Variants in CNOT6 observed in about 807,000 individuals in gnomAD.
The protein encoded by CNOT6 is carbon catabolite repression 4 protein.
In CNOT6, 12 loss-of-function variants were observed where a neutral mutation model predicts 61.2. The ratio of observed to expected loss-of-function variants is 0.20; its 90% CI spans 0.13 to 0.32. The LOEUF (loss-of-function observed/expected upper bound fraction) is 0.32. CNOT6 is among the 10% of genes least tolerant of loss of function. CNOT6 has a pLI of 1.00. For missense variants in CNOT6, 405 were observed against 663.9 expected, an observed-to-expected ratio of 0.61 and a Z score of 4.28; for synonymous variants, 225 against 240.6, an observed-to-expected ratio of 0.94 and a Z score of 0.60.
chr5:180,520,627 C>T (rs899284347), intron 1 of CNOT6, among the ~76,000 whole-genome samples: 13 of 151,772 alleles, frequency 8.6e-5, no homozygotes, highest in Non-Finnish European at 1.6e-4. Flanking sequence ...GGCGACAGAG[C>T]GAGACTCCAT....
At chr5:180,495,246 C>G (rs1756553114) in intron 1 of CNOT6, among the ~76,000 whole-genome samples, 1 of 152,210 alleles carries the variant, frequency 6.6e-6, no homozygotes, top group African/African-American at 2.4e-5. Flanking sequence ...TTTTAAAATT[C>G]AGTTTAACGC....
intron 4 of CNOT6, among the ~76,000 whole-genome samples, chr5:180,558,609 T>C (rs1209626841): frequency 1.4e-5 from 2 of 138,268 alleles, no homozygotes; most frequent in African/African-American, 5.1e-5. Context: ...CCTTCCTTCC[T>C]TCTTGTGTTT....
Position 180,574,851 on chromosome 5 carries a change from ACTTT to A in CNOT6, c.*656_*659del, listed in dbSNP as rs769541097. 2 of 152,748 alleles carry A rather than the reference ACTTT, an allele frequency of 1.3e-5. No homozygotes were observed. Among genetic ancestry groups the A allele is most frequent in the Non-Finnish European group, 2.9e-5 (2 of 68,200 alleles). 9.5% of individuals were successfully genotyped at this position (152,748 alleles called of 1,614,324 possible). ...AGGGTTTTGTTAGCCCTTTTGTACT[ACTTT>A]CTTTTTAAATTGAGAACATGGTTCT... On this transcript the variant is annotated 3_prime_UTR_variant, in exon 12 of 12. Transcript: ENST00000261951.
At chr5:180,508,329 T>G (rs1757223444) in intron 1 of CNOT6, among the ~76,000 whole-genome samples, 1 of 152,240 alleles carries the variant, frequency 6.6e-6, no homozygotes, top group Non-Finnish European at 1.5e-5. Flanking sequence ...TTTTTTAGTA[T>G]GAGACGGAGT....
Position 180,572,070 on chromosome 5 carries a change from T to C in CNOT6, c.1461+638T>C, listed in dbSNP as rs150100159. The stretch of plus-strand genomic sequence containing the variant: ...AGCTAGATATGCAGCACCATAATTA[T>C]CTAGTTTGAGTGGCATTTGTGGTAA... On this transcript the variant is annotated intron_variant, in intron 11 of 11. Transcript: ENST00000261951. 5.9e-5 allele frequency among the ~76,000 whole-genome samples: 9 copies of C among 152,350 alleles called. No individual in the cohort carries two copies. The East Asian group carries it at 1.2e-3, about 20-fold the overall frequency.
intron 1 of CNOT6, among the ~76,000 whole-genome samples, chr5:180,496,676 T>C (rs1756627526): frequency 6.6e-6 from 1 of 152,108 alleles, no homozygotes; most frequent in Admixed American, 6.5e-5. Context: ...TAAAGTAACA[T>C]ATATAAAGTC....
Position 180,564,513 on chromosome 5 carries a change from T to G in CNOT6, c.410T>G (p.Leu137Trp). 6.2e-7 allele frequency: 1 copy of G among 1,613,478 alleles called. No homozygotes were observed. The highest frequency in any genetic ancestry group is 1.1e-5 in the South Asian group (1 of 91,066). The change falls in exon 5 of 12, where the codon TTG (leucine) becomes TGG (tryptophan). Residue 137 changes from leucine (L) to tryptophan (W), a missense_variant. Transcript: ENST00000261951. Reference sequence around the variant, plus strand: ...GGAAATCCCCTTACCCAGGATATATTGAACCTTTATCAGGAACCAGATGGA... The same window carrying G: ...GGAAATCCCCTTACCCAGGATATATGGAACCTTTATCAGGAACCAGATGGA... Reference protein sequence around the residue: ...LKGNPLTQDILNLYQEPDGTR... With the variant: ...LKGNPLTQDIWNLYQEPDGTR...
intron 2 of CNOT6, 22 bp from the exon 3 acceptor site, chr5:180,549,908 TC>T: frequency 6.4e-7 from 1 of 1,560,686 alleles, no homozygotes; most frequent in Non-Finnish European, 8.8e-7. Context: ...TATAATCCGT[TC>T]CTGTATTTTT....
intron 1 of CNOT6, among the ~76,000 whole-genome samples, chr5:180,524,497 G>T (rs191614860): frequency 1.3e-5 from 2 of 151,928 alleles, no homozygotes; most frequent in Admixed American, 1.3e-4. Context: ...AAATAGAGAA[G>T]CACTGAAGAG....
At chr5:180,561,699 C>T (rs900454997) in intron 4 of CNOT6, among the ~76,000 whole-genome samples, 6 of 152,190 alleles carry the variant, frequency 3.9e-5, no homozygotes, top group Admixed American at 2.6e-4. Flanking sequence ...ACTTGGCCTT[C>T]GCTGACACCT....
chr5:180,521,086 G>A (rs545582453), intron 1 of CNOT6, among the ~76,000 whole-genome samples: 3 of 152,200 alleles, frequency 2.0e-5, no homozygotes, highest in African/African-American at 7.2e-5. Context: ...CAGTCCGCCT[G>A]CCTTGGCCTC....
intron 1 of CNOT6, among the ~76,000 whole-genome samples, chr5:180,522,342 T>C (rs1380371675): frequency 6.6e-6 from 1 of 152,138 alleles, no homozygotes; most frequent in Non-Finnish European, 1.5e-5. Context: ...CTTGAATTCT[T>C]GGCTCAGGTG....
At chr5:180,541,704 A>C (rs965814661) in intron 2 of CNOT6, among the ~76,000 whole-genome samples, 1 of 151,308 alleles carries the variant, frequency 6.6e-6, no homozygotes, top group Non-Finnish European at 1.5e-5. Flanking sequence ...CACCCACCTC[A>C]GCCTCTCAAA....
rs186851287 is a variant in CNOT6, at chr5:180,545,067, C to T, written c.113-4864C>T. ...AAAATTAAGTAAATAAAATTTTGTT[C>T]TACAAATAGCTTGTGGTATGGTGTC... On this transcript the variant is annotated intron_variant, in intron 2 of 11. Coordinates refer to ENST00000261951, the MANE Select transcript of CNOT6 (RefSeq NM_001370472.1). Among the ~76,000 whole-genome samples the T allele has an allele frequency of 8.5e-5, 13 of 152,254 alleles. No homozygotes were observed. The East Asian group carries it at 1.9e-3, about 23-fold the overall frequency.
At position 180,577,163 on chromosome 5, in the gene CNOT6, A is replaced by ATATGTG. The variant is rs1554104989; in HGVS notation, c.*2964_*2965insATGTGT. ...AGATAGGCAGAGAACATCTCCAGAA[A>ATATGTG]TGTGTGTGTGTGTGTGTGTGTGTGT... On this transcript the variant is annotated 3_prime_UTR_variant, in exon 12 of 12. Transcript: ENST00000261951. The ATATGTG allele has an allele frequency of 6.9e-6, 1 of 145,654 alleles. No homozygotes were observed. The highest frequency in any genetic ancestry group is 2.5e-5 in the African/African-American group (1 of 39,316). The allele number at this position is 145,654 out of a possible 1,614,324, so 9.0% of individuals were successfully genotyped here. A position where few individuals can be genotyped will look rare whatever the true frequency, so the allele number is the denominator to read the frequency against.
At chr5:180,516,259 A>C (rs1581485380) in intron 1 of CNOT6, among the ~76,000 whole-genome samples, 7 of 150,120 alleles carry the variant, frequency 4.7e-5, no homozygotes, top group Admixed American at 4.0e-4. Context: ...TGGCTCACTG[A>C]AACCTCCGCC....
rs574368432 is a variant in CNOT6 at position 180,519,871 on chromosome 5, A to G, written c.-2-9404A>G. On this transcript the variant is annotated intron_variant, in intron 1 of 11. Coordinates refer to ENST00000261951, the MANE Select transcript of CNOT6 (RefSeq NM_001370472.1). ...TTTCCCTGAAAAGGAATCTCGCTCTATTGCCTAGCTGGAGTACAGTGGCTC... is the reference window on the plus strand; with the variant it reads ...TTTCCCTGAAAAGGAATCTCGCTCTGTTGCCTAGCTGGAGTACAGTGGCTC... 7.6e-5 allele frequency among the ~76,000 whole-genome samples: 10 copies of G among 131,550 alleles called. No individual in the cohort carries two copies. In the East Asian group the frequency reaches 1.1e-3, roughly 15 times the overall value. The allele number at this position is 131,550 out of a possible 152,430, so 86.3% of individuals were successfully genotyped here.
chr5:180,504,618 C>G (rs1229908308), intron 1 of CNOT6, among the ~76,000 whole-genome samples: 1 of 152,146 alleles, frequency 6.6e-6, no homozygotes, highest in Non-Finnish European at 1.5e-5. Context: ...TTGCTTGTCT[C>G]ATGGTAAGAG....
chr5:180,496,989 G>A (rs568538223), intron 1 of CNOT6, among the ~76,000 whole-genome samples: 1 of 152,318 alleles, frequency 6.6e-6, no homozygotes, highest in Non-Finnish European at 1.5e-5. Flanking sequence ...CTACAAATGT[G>A]TAAAGGCGTT....
Sources: allele counts gnomAD v4.1 joint callset (sites outside exome capture counted in the v4.1 genomes callset), GRCh38; gene constraint gnomAD v4.1.1; transcripts MANE v1.5; gene names NCBI Gene and HGNC (gene_info 2026-07-23, HGNC 2026-07-21).